The following PPP1R15B variants were observed in gnomAD, a reference collection of about 807,000 sequenced individuals.
PPP1R15B encodes the protein protein phosphatase 1, regulatory (inhibitor) subunit 15B.
A neutral mutation model predicts 53.9 loss-of-function variants in PPP1R15B; 31 were observed. The ratio of observed to expected loss-of-function variants is 0.58; its 90% CI spans 0.43 to 0.78. The LOEUF is 0.78. PPP1R15B is among the 30% of genes least tolerant of loss of function. The pLI, the probability that PPP1R15B is intolerant of heterozygous loss-of-function variation, is 0.00. For missense variants in PPP1R15B, 928 were observed against 849.6 expected, an observed-to-expected ratio of 1.09 and a Z score of -1.15; for synonymous variants, 345 against 329.1, an observed-to-expected ratio of 1.05 and a Z score of -0.52.
rs1484825624 is a variant in PPP1R15B at position 204,411,139 on chromosome 1, C to T, written c.273G>A (p.Met91Ile). ...VLIWSQLFGG[M>I]FPTRWLDFAG... ...CAAAATCTAGCCATCTGGTCGGAAA[C>T]ATTCCACCGAAAAGTTGGCTCCAAA... Residue 91 changes from methionine to isoleucine, a missense_variant, in exon 1 of 2, where the codon ATG becomes ATA. Coordinates refer to ENST00000367188, the MANE Select transcript of PPP1R15B (RefSeq NM_032833.5). 1.9e-6 allele frequency: 3 copies of T among 1,614,124 alleles called. No individual in the cohort carries two copies. Among genetic ancestry groups the T allele is most frequent in the Non-Finnish European group, 2.5e-6 (3 of 1,180,048 alleles).
At chr1:204,395,920 A>G, downstream of PPP1R15B, among the ~76,000 whole-genome samples, 1 of 152,352 alleles carries the variant, frequency 6.6e-6, no homozygotes, top group South Asian at 2.1e-4. Context: ...ATATGTAGTC[A>G]TGTTTATATA....
At chr1:204,409,312 G>C (rs1433250760) in intron 1 of PPP1R15B, among the ~76,000 whole-genome samples, 180 bp downstream of exon 1, 1 of 152,168 alleles carries the variant, frequency 6.6e-6, no homozygotes, top group Non-Finnish European at 1.5e-5. Flanking sequence ...TGTGCATTGG[G>C]GTGGGGGGTG....
At chr1:204,407,837 C>T (rs1674292492) in intron 1 of PPP1R15B, among the ~76,000 whole-genome samples, 1 of 152,094 alleles carries the variant, frequency 6.6e-6, no homozygotes, top group Non-Finnish European at 1.5e-5. Flanking sequence ...CTATATACTC[C>T]ATATATTCCA....
At position 204,404,614 on chromosome 1, in the gene PPP1R15B, T is replaced by C. The variant is rs2103443000; in HGVS notation, c.*1478A>G. On this transcript the variant is annotated 3_prime_UTR_variant, in exon 2 of 2. Transcript: ENST00000367188. ...AAACAGTGGAGGCAGTTCTTAGAAC[T>C]GGATAGAAATAAAATAATGACCAGG... 2.3e-5 allele frequency: 23 copies of C among 985,458 alleles called. No individual in the cohort carries two copies. The highest frequency in any genetic ancestry group is 1.1e-4 in the East Asian group (1 of 8,824). The allele number at this position is 985,458 out of a possible 1,614,324, so 61.0% of individuals were successfully genotyped here. A position where few individuals can be genotyped will look rare whatever the true frequency, so the allele number is the denominator to read the frequency against.
rs1358460954 is a variant in PPP1R15B, at chr1:204,410,186, A to G, written c.1226T>C (p.Leu409Pro). 4.3e-6 allele frequency: 7 copies of G among 1,613,928 alleles called. No individual in the cohort carries two copies. Among genetic ancestry groups the G allele is most frequent in the Non-Finnish European group, 5.9e-6 (7 of 1,180,036 alleles). The change falls in exon 1 of 2, where the codon CTA becomes CCA. Residue 409 changes from leucine (L) to proline (P), a missense_variant. Leu to Pro is a moderately conservative substitution (Grantham distance 98). Transcript: ENST00000367188. ...GGCAGAAATGGGAAGGTCACCTTCTAGGTATGAGTAATCAACTACACTTAT... is the reference window on the plus strand; with the variant it reads ...GGCAGAAATGGGAAGGTCACCTTCTGGGTATGAGTAATCAACTACACTTAT... ...GRISVVDYSY[L>P]EGDLPISARP... is the part of the protein sequence containing the mutation.
In PPP1R15B at chr1:204,405,630, A is replaced by G. The variant is rs1674252116; in HGVS notation, c.*462T>C. 9 of 982,812 alleles carry G rather than the reference A, an allele frequency of 9.2e-6. No individual in the cohort carries two copies. The highest frequency in any genetic ancestry group is 1.7e-5 in the African/African-American group (1 of 57,180). The allele number at this position is 982,812 out of a possible 1,614,324, so 60.9% of individuals were successfully genotyped here. A position where few individuals can be genotyped will look rare whatever the true frequency, so the allele number is the denominator to read the frequency against. ...GCCAAATCATTGAAATAAAAAAAAT[A>G]TAGAAAAACATAAAAGCCCATTAAC... On this transcript the variant is annotated 3_prime_UTR_variant, in exon 2 of 2. Transcript: ENST00000367188.
downstream of PPP1R15B, among the ~76,000 whole-genome samples, chr1:204,396,622 G>A (rs569331879): frequency 2.0e-5 from 3 of 151,874 alleles, no homozygotes; most frequent in South Asian, 2.1e-4. Flanking sequence ...GAAGGGGACC[G>A]AATACAAAAG....
rs1162625899 is a variant in PPP1R15B at position 204,405,250 on chromosome 1, T to C, written c.*842A>G. On this transcript the variant is annotated 3_prime_UTR_variant, in exon 2 of 2. Transcript: ENST00000367188. ...GTTTAAAAAATAAATGATTATGATG[T>C]AATTATTACTTTCCAGAGTGTTTTG... is the stretch of plus-strand genomic sequence containing the variant. 5 of 978,032 alleles carry C rather than the reference T, an allele frequency of 5.1e-6. No homozygotes were observed. The highest frequency in any genetic ancestry group is 1.8e-5 in the African/African-American group (1 of 57,066). The allele number at this position is 978,032 out of a possible 1,614,324, so 60.6% of individuals were successfully genotyped here.
At chr1:204,401,402 A>G (rs933609109), downstream of PPP1R15B, among the ~76,000 whole-genome samples, 5 of 152,262 alleles carry the variant, frequency 3.3e-5, no homozygotes, top group African/African-American at 7.2e-5. Context: ...AACTAAGTTC[A>G]TAAGGAAAGA....
intron 1 of PPP1R15B, among the ~76,000 whole-genome samples, chr1:204,407,180 T>C (rs1256959461): frequency 1.3e-5 from 2 of 152,220 alleles, no homozygotes; most frequent in Non-Finnish European, 2.9e-5. Flanking sequence ...TTCCAACTTT[T>C]AAATCAACAT....
rs1341228877 is a variant in PPP1R15B, at chr1:204,410,801, G to A, written c.611C>T (p.Pro204Leu). ...GCGTTGAATGTTTAGAGGCCCAGAG[G>A]GCGAAGAGCCAAGTTCCCGGTTAGA... ...LYSNRELGSS[P>L]SGPLNIQRID... Residue 204 changes from proline to leucine, a missense_variant, in exon 1 of 2, where the codon CCC (proline) becomes CTC (leucine). By Grantham distance (98) the Pro-to-Leu change is moderately conservative (BLOSUM62 -3). Transcript: ENST00000367188. The A allele has an allele frequency of 1.2e-6, 2 of 1,614,214 alleles. No individual in the cohort carries two copies. Among genetic ancestry groups the A allele is most frequent in the African/African-American group, 1.3e-5 (1 of 75,058 alleles).
chr1:204,396,864 C>G (rs368921010), downstream of PPP1R15B, among the ~76,000 whole-genome samples: 60 of 152,142 alleles, frequency 3.9e-4, 1 homozygote, highest in Non-Finnish European at 1.5e-5. Context: ...ATCTACTGTA[C>G]GACATGGTGA....
downstream of PPP1R15B, among the ~76,000 whole-genome samples, chr1:204,401,729 T>C (rs1298956639): frequency 6.6e-6 from 1 of 152,216 alleles, no homozygotes; most frequent in Non-Finnish European, 1.5e-5. Context: ...GGTCTCAGCC[T>C]GGACAACATG....
chr1:204,398,103 T>A (rs1008750956), downstream of PPP1R15B, among the ~76,000 whole-genome samples: 4 of 152,176 alleles, frequency 2.6e-5, no homozygotes, highest in African/African-American at 9.7e-5. Context: ...CTCTGGTCAC[T>A]GCGCAGACCC....
Position 204,410,730 on chromosome 1 carries a change from G to A in PPP1R15B, c.682C>T (p.Leu228=), listed in dbSNP as rs1447431510. Residue 228 remains leucine (L), a synonymous_variant, in exon 1 of 2, where the codon CTG becomes TTG. Coordinates refer to ENST00000367188, the MANE Select transcript of PPP1R15B (RefSeq NM_032833.5). ...ACTTCTAGCCTAGGAAAGCAGTCCAGGTAGGAAGGGTTCAGCAAATAGGAT... is the reference window on the plus strand; with the variant it reads ...ACTTCTAGCCTAGGAAAGCAGTCCAAGTAGGAAGGGTTCAGCAAATAGGAT... ...VVSYLLNPSY[L]DCFPRLEVSY... The A allele has an allele frequency of 1.2e-6, 2 of 1,614,160 alleles. No individual in the cohort carries two copies. The highest frequency in any genetic ancestry group is 3.3e-5 in the Admixed American group (2 of 60,014).
rs1478951979 is a variant in PPP1R15B, at chr1:204,403,513, GTCT to G, written c.*2576_*2578del. ...ATTGATCTGTAGAAGCCAATTTAGA[GTCT>G]TCTAGTCCCCTAACTTTACCTTCCT... is the stretch of plus-strand genomic sequence containing the variant. On this transcript the variant is annotated 3_prime_UTR_variant, in exon 2 of 2. Transcript: ENST00000367188. 2.1e-6 allele frequency: 2 copies of G among 955,614 alleles called. No homozygotes were observed. The highest frequency in any genetic ancestry group is 2.3e-4 in the East Asian group (2 of 8,672). 59.2% of individuals were successfully genotyped at this position (955,614 alleles called of 1,614,324 possible). A position where few individuals can be genotyped will look rare whatever the true frequency, so the allele number is the denominator to read the frequency against.
Position 204,411,319 on chromosome 1 carries a change from T to C in PPP1R15B, c.93A>G (p.Ala31=). ...GAGGCGTCGGGAACTTAGAAGAGCC[T>C]GCTTGCGATCGCCGAGGGAAAAAGG... The part of the protein sequence containing the change: ...WPPFFPRRSQ[A]GSSKFPTPLG... Residue 31 remains alanine, a synonymous_variant, in exon 1 of 2, where the codon GCA becomes GCG. Coordinates refer to ENST00000367188, the MANE Select transcript of PPP1R15B (RefSeq NM_032833.5). The C allele has an allele frequency of 6.2e-7, 1 of 1,614,130 alleles. No homozygotes were observed. The highest frequency in any genetic ancestry group is 1.1e-5 in the South Asian group (1 of 91,088).
intron 1 of PPP1R15B, among the ~76,000 whole-genome samples, chr1:204,408,250 T>G (rs1674300115): frequency 6.6e-6 from 1 of 152,372 alleles, no homozygotes; most frequent in Non-Finnish European, 1.5e-5. Context: ...GGGCTCCAGC[T>G]GCCAAGTGCT....
Position 204,409,992 on chromosome 1 carries a change from C to T in PPP1R15B, c.1420G>A (p.Gly474Arg), listed in dbSNP as rs1674336567. The T allele has an allele frequency of 1.9e-6, 3 of 1,614,124 alleles. No individual in the cohort carries two copies. Among genetic ancestry groups the T allele is most frequent in the South Asian group, 1.1e-5 (1 of 91,082 alleles). ...SDSDLEQDPE[G>R]LHLWNSFCSV... is the part of the protein sequence containing the mutation. ...CAGAAAGAGTTCCAAAGGTGAAGCC[C>T]TTCAGGGTCTTGTTCAAGGTCTGAG... The change falls in exon 1 of 2, where the codon GGG becomes AGG. Residue 474 changes from glycine to arginine, a missense_variant. Physicochemically the swap from Gly to Arg is moderately radical, Grantham distance 125. Coordinates refer to ENST00000367188, the MANE Select transcript of PPP1R15B (RefSeq NM_032833.5).
Sources: gnomAD v4.1 joint callset for allele counts (sites outside exome capture counted in the v4.1 genomes callset) on GRCh38, gnomAD v4.1.1 for gene constraint, MANE v1.5 for transcripts, NCBI Gene and HGNC (gene_info 2026-07-23, HGNC 2026-07-21) for gene names.